Variants in CRADD observed in about 807,000 individuals in gnomAD.
The protein encoded by CRADD is death domain-containing protein CRADD.
A neutral mutation model predicts 15.5 loss-of-function variants in CRADD; 9 were observed. The ratio of observed to expected loss-of-function variants is 0.58; its 90% CI spans 0.35 to 1.01. The LOEUF (loss-of-function observed/expected upper bound fraction) is 1.01, where lower values mean the gene tolerates loss of function less well. Among genes scored for constraint, CRADD ranks in the 50% least tolerant of loss-of-function variants. CRADD has a pLI of 0.02. For missense variants in CRADD, 227 were observed against 250.3 expected, an observed-to-expected ratio of 0.91 and a Z score of 0.63; for synonymous variants, 118 against 107.6, an observed-to-expected ratio of 1.10 and a Z score of -0.60.
intron 2 of CRADD, among the ~76,000 whole-genome samples, chr12:93,716,304 A>C (rs994179981): frequency 3.3e-5 from 5 of 152,170 alleles, no homozygotes; most frequent in African/African-American, 1.2e-4. Flanking sequence ...GCAGATGCAC[A>C]GCTCCTCCCA....
chr12:93,889,487 C>T (rs1958561285), intron 2 of CRADD, among the ~76,000 whole-genome samples: 1 of 152,164 alleles, frequency 6.6e-6, no homozygotes, highest in Non-Finnish European at 1.5e-5. Flanking sequence ...TCTTTTCTAC[C>T]AGGCTCAGTG....
At chr12:93,786,057 T>C (rs1957274916) in intron 2 of CRADD, among the ~76,000 whole-genome samples, 1 of 152,236 alleles carries the variant, frequency 6.6e-6, no homozygotes, top group Non-Finnish European at 1.5e-5. Flanking sequence ...AAGCATTAAC[T>C]GCCGGGCCTA....
At chr12:93,796,883 C>A (rs1020249448) in intron 2 of CRADD, among the ~76,000 whole-genome samples, 2 of 152,182 alleles carry the variant, frequency 1.3e-5, no homozygotes, top group Non-Finnish European at 2.9e-5. Flanking sequence ...CAGTGTCTCA[C>A]GTGCTCACGT....
At chr12:93,769,045 A>C (rs1370264149) in intron 2 of CRADD, among the ~76,000 whole-genome samples, 1 of 151,950 alleles carries the variant, frequency 6.6e-6, no homozygotes, top group Non-Finnish European at 1.5e-5. Context: ...AAGATACCAT[A>C]ATATTTACTC....
At chr12:93,762,329 C>T (rs1956976360) in intron 2 of CRADD, among the ~76,000 whole-genome samples, 1 of 152,194 alleles carries the variant, frequency 6.6e-6, no homozygotes, top group African/African-American at 2.4e-5. Context: ...AAGGCTGCTT[C>T]CTTGTCTTTA....
chr12:93,688,410 C>G (rs1955486114), intron 2 of CRADD, among the ~76,000 whole-genome samples: 1 of 147,734 alleles, frequency 6.8e-6, no homozygotes, highest in Non-Finnish European at 1.5e-5. Flanking sequence ...GGCTGAGGCA[C>G]AAGAATCACT....
intron 2 of CRADD, among the ~76,000 whole-genome samples, chr12:93,743,400 C>G (rs549669937): frequency 6.6e-6 from 1 of 152,160 alleles, no homozygotes; most frequent in African/African-American, 2.4e-5. Flanking sequence ...GGGTCCAACT[C>G]AGTTCACTGC....
intron 2 of CRADD, among the ~76,000 whole-genome samples, chr12:93,727,100 C>T (rs758506859): frequency 1.5e-4 from 23 of 152,208 alleles, no homozygotes; most frequent in Non-Finnish European, 3.2e-4. Context: ...AACGTTCAGA[C>T]TCCACAATTG....
intron 2 of CRADD, among the ~76,000 whole-genome samples, chr12:93,762,970 AT>A (rs1335299513): frequency 4.6e-5 from 7 of 152,012 alleles, no homozygotes; most frequent in African/African-American, 1.7e-4. Context: ...TTGCCTTCTC[AT>A]TGATTGGAGT....
Position 93,889,986 on chromosome 12 carries a change from G to A in CRADD, c.299-4064G>A, listed in dbSNP as rs1447698282. ...AACAAAAGTAGGAGCCCTGGGGCCT[G>A]AGCCAGCTTCCTCTTCCTCACCCCA... On this transcript the variant is annotated intron_variant, in intron 2 of 2. Coordinates refer to the CRADD transcript ENST00000548483. Among the ~76,000 whole-genome samples the A allele has an allele frequency of 3.9e-5, 6 of 152,204 alleles. No homozygotes were observed. The East Asian group carries it at 1.2e-3, about 29-fold the overall frequency.
chr12:93,876,609 C>G (rs1958459140), intron 2 of CRADD, among the ~76,000 whole-genome samples: 1 of 152,038 alleles, frequency 6.6e-6, no homozygotes. Context: ...TTAAAGGACT[C>G]TGATGCATTC....
chr12:93,838,434 A>G (rs1047062310), intron 2 of CRADD, among the ~76,000 whole-genome samples: 2 of 151,728 alleles, frequency 1.3e-5, no homozygotes, highest in African/African-American at 2.4e-5. Flanking sequence ...TTAGCTACAG[A>G]GAAACTGGAT....
At chr12:93,793,956 C>G (rs1210441692) in intron 2 of CRADD, among the ~76,000 whole-genome samples, 1 of 152,164 alleles carries the variant, frequency 6.6e-6, no homozygotes, top group Non-Finnish European at 1.5e-5. Flanking sequence ...AACCCATTCA[C>G]TTGGCTGTCC....
intron 2 of CRADD, among the ~76,000 whole-genome samples, chr12:93,861,321 C>T (rs568108642): frequency 1.3e-5 from 2 of 152,356 alleles, no homozygotes; most frequent in South Asian, 4.1e-4. Flanking sequence ...TTGAAGCAGG[C>T]AGACCAGTGA....
chr12:93,711,055 C>CCCCCCCTCTTTTTTTTT, intron 2 of CRADD, among the ~76,000 whole-genome samples: 1 of 43,508 alleles, frequency 2.3e-5, no homozygotes, highest in Admixed American at 2.6e-4. Flanking sequence ...CCACCCCCGC[C>CCCCCCCTCTTTTTTTTT]TTTTTTTTTT....
intron 2 of CRADD, among the ~76,000 whole-genome samples, chr12:93,687,087 G>A (rs1955457309): frequency 1.3e-5 from 2 of 152,088 alleles, no homozygotes; most frequent in Admixed American, 1.3e-4. Flanking sequence ...TCCTACCTCT[G>A]CAAGGCTGAC....
chr12:93,792,751 GAA>G (rs1430644079), intron 2 of CRADD, among the ~76,000 whole-genome samples: 1 of 152,176 alleles, frequency 6.6e-6, no homozygotes, highest in Non-Finnish European at 1.5e-5. Context: ...CTGAGAGACA[GAA>G]AAGTTAGATA....
At chr12:93,738,479 TAGGC>T (rs1361126338) in intron 2 of CRADD, 1 of 702,208 alleles carries the variant, frequency 1.4e-6, no homozygotes, top group East Asian at 2.7e-5. Flanking sequence ...GCTGGCAGAG[TAGGC>T]CCCTTCACTG....
chr12:93,731,386 G>C (rs1422588827), intron 2 of CRADD, among the ~76,000 whole-genome samples: 1 of 152,234 alleles, frequency 6.6e-6, no homozygotes, highest in Non-Finnish European at 1.5e-5. Flanking sequence ...TTGTTAGGGA[G>C]TATGTAGGTA....
Sources: gnomAD v4.1 joint callset for allele counts (sites outside exome capture counted in the v4.1 genomes callset) on GRCh38, gnomAD v4.1.1 for gene constraint, MANE v1.5 for transcripts, NCBI Gene and HGNC (gene_info 2026-07-23, HGNC 2026-07-21) for gene names.